ADIPOR2: variants seen among roughly 807,000 people sequenced by gnomAD.
ADIPOR2 encodes the protein adiponectin receptor 2.
A neutral mutation model predicts 40.9 loss-of-function variants in ADIPOR2; 18 were observed. The ratio of observed to expected loss-of-function variants is 0.44; its 90% CI spans 0.30 to 0.65. The LOEUF (loss-of-function observed/expected upper bound fraction) is 0.65. ADIPOR2 is among the 30% of genes least tolerant of loss of function. The pLI, the probability that ADIPOR2 is intolerant of heterozygous loss-of-function variation, is 0.09. For missense variants in ADIPOR2, 283 were observed against 479.2 expected (o/e 0.59, Z 3.82); for synonymous variants, 165 against 166.4 (o/e 0.99, Z 0.06).
chr12:1,742,549 A>G (rs746736531), intron 1 of ADIPOR2, among the ~76,000 whole-genome samples: 2 of 152,222 alleles, frequency 1.3e-5, no homozygotes, highest in Non-Finnish European at 2.9e-5. Context: ...TTTGGTATCC[A>G]TGGGGGATTG....
chr12:1,784,153 AG>A (rs1303178804), intron 7 of ADIPOR2, 80 bp downstream of exon 7: 3 of 1,401,248 alleles, frequency 2.1e-6, no homozygotes, highest in Non-Finnish European at 2.8e-6. Flanking sequence ...CAATAGAAAA[AG>A]TTTTAGACAC....
intron 1 of ADIPOR2, among the ~76,000 whole-genome samples, chr12:1,749,615 A>G (rs1047718326): frequency 2.6e-5 from 4 of 152,108 alleles, no homozygotes; most frequent in African/African-American, 7.2e-5. Context: ...TTGACTAGCT[A>G]TGTAGTTGGC....
At chr12:1,764,862 A>G (rs566918874) in intron 2 of ADIPOR2, among the ~76,000 whole-genome samples, 1 of 152,244 alleles carries the variant, frequency 6.6e-6, no homozygotes, top group Non-Finnish European at 1.5e-5. Flanking sequence ...TTTTCTGGGT[A>G]TAGCTGTAGA....
At position 1,737,681 on chromosome 12, in the gene ADIPOR2, C is replaced by T. The variant is rs186314998; in HGVS notation, c.-86-16577C>T. Among the ~76,000 whole-genome samples the T allele has an allele frequency of 2.2e-4, 33 of 152,154 alleles. No individual in the cohort carries two copies. In the East Asian group the frequency reaches 3.5e-3, roughly 16 times the overall value. On this transcript the variant is annotated intron_variant, in intron 1 of 7. Transcript: ENST00000357103. ...CACTGTGACCTCTACCTCCTGGGTTCGAGCAATTCTTGTGCCCCAGCCTCA... is the reference window on the plus strand; with the variant it reads ...CACTGTGACCTCTACCTCCTGGGTTTGAGCAATTCTTGTGCCCCAGCCTCA...
At chr12:1,765,836 A>C (rs1862365925) in intron 2 of ADIPOR2, among the ~76,000 whole-genome samples, 1 of 151,618 alleles carries the variant, frequency 6.6e-6, no homozygotes, top group African/African-American at 2.4e-5. Context: ...TTAACTGTCC[A>C]CTCCCCCATC....
At chr12:1,727,276 A>G (rs1192773221) in intron 1 of ADIPOR2, among the ~76,000 whole-genome samples, 2 of 152,184 alleles carry the variant, frequency 1.3e-5, no homozygotes, top group South Asian at 2.1e-4. Context: ...GATTGTCTGT[A>G]GAATAGACTT....
chr12:1,765,830 C>T (rs1862365663), intron 2 of ADIPOR2, among the ~76,000 whole-genome samples: 1 of 152,104 alleles, frequency 6.6e-6, no homozygotes, highest in Admixed American at 6.5e-5. Flanking sequence ...CTAAGGTTAA[C>T]TGTCCACTCC....
rs200022126 is a variant in ADIPOR2 at position 1,783,928 on chromosome 12, A to G, written c.887A>G (p.Tyr296Cys). The change falls in exon 7 of 8, where the codon TAT becomes TGT. Residue 296 changes from tyrosine to cysteine, a missense_variant. Tyr to Cys is a radical substitution (Grantham distance 194). Around this residue, in one of 3 missense-constraint regions of ADIPOR2, gnomAD observed 106 missense variants for 149.7 expected, o/e 0.71. Coordinates refer to ENST00000357103, the MANE Select transcript of ADIPOR2 (RefSeq NM_024551.3). The part of the protein sequence containing the change: ...GLSGIIPTLH[Y>C]VISEGFLKAA... ...AGTGGAATCATTCCTACCTTGCACT[A>G]TGTCATCTCGGAGGGGTTCCTTAAG... The G allele has an allele frequency of 1.3e-4, 216 of 1,613,024 alleles. 1 individual carries two copies. The highest frequency in any genetic ancestry group is 9.4e-5 in the African/African-American group (7 of 74,738).
chr12:1,725,847 T>C lies in ADIPOR2; in HGVS notation c.-86-28411T>C, dbSNP rs185545105. Among the ~76,000 whole-genome samples, 349 of 152,314 alleles carry C rather than the reference T, an allele frequency of 2.3e-3. 1 individual carries two copies. The highest frequency in any genetic ancestry group is 8.1e-3 in the African/African-American group (337 of 41,552). ...TTATGAAGATACAGTAGAAATGATT[T>C]TAATTTCTTTTTTTTCCCCTAGAGA... On this transcript the variant is annotated intron_variant, in intron 1 of 7. Transcript: ENST00000357103.
chr12:1,695,011 G>GTTTTTTTTTTTTTT (rs199627849), intron 1 of ADIPOR2, among the ~76,000 whole-genome samples: 2 of 128,314 alleles, frequency 1.6e-5, no homozygotes, highest in African/African-American at 2.7e-5. Flanking sequence ...TTGTGTTGCA[G>GTTTTTTTTTTTTTT]TTTTTTTTTT....
intron 1 of ADIPOR2, among the ~76,000 whole-genome samples, chr12:1,722,344 A>G (rs2094699566): frequency 6.6e-6 from 1 of 152,180 alleles, no homozygotes; most frequent in African/African-American, 2.4e-5. Flanking sequence ...TGGGACAATC[A>G]TGAGTTCTGT....
At chr12:1,783,376 G>C (rs1366659727) in intron 6 of ADIPOR2, among the ~76,000 whole-genome samples, 1 of 150,944 alleles carries the variant, frequency 6.6e-6, no homozygotes, top group Non-Finnish European at 1.5e-5. Context: ...ACTAAGCTAA[G>C]CCTCTCTTAG....
intron 6 of ADIPOR2, among the ~76,000 whole-genome samples, chr12:1,782,979 T>TTTTTC (rs1862752573): frequency 3.1e-5 from 1 of 32,396 alleles, no homozygotes; most frequent in African/African-American, 1.9e-4. Flanking sequence ...TTTCTTTCTT[T>TTTTTC]TTTTTTTTTT....
At chr12:1,761,310 A>G (rs1008457152) in intron 2 of ADIPOR2, among the ~76,000 whole-genome samples, 2 of 152,122 alleles carry the variant, frequency 1.3e-5, no homozygotes, top group African/African-American at 4.8e-5. Flanking sequence ...GTTGCAAATA[A>G]TGTTGCTATT....
chr12:1,766,804 G>A (rs1862389731), intron 2 of ADIPOR2, among the ~76,000 whole-genome samples: 1 of 152,166 alleles, frequency 6.6e-6, no homozygotes. Flanking sequence ...TATAAATTGG[G>A]AGATAAGGAA....
intron 1 of ADIPOR2, among the ~76,000 whole-genome samples, chr12:1,750,308 C>T (rs2094766289): frequency 6.6e-6 from 1 of 151,794 alleles, no homozygotes; most frequent in Admixed American, 6.6e-5. Flanking sequence ...CCTTTAATCC[C>T]AGCACTTTGG....
chr12:1,751,924 C>CA (rs2094770102), intron 1 of ADIPOR2, among the ~76,000 whole-genome samples: 2 of 144,112 alleles, frequency 1.4e-5, no homozygotes, highest in South Asian at 4.4e-4. Context: ...TTCTTTCTTT[C>CA]TTTTTTTTTT....
chr12:1,762,050 T>C (rs1373506208), intron 2 of ADIPOR2, among the ~76,000 whole-genome samples: 1 of 152,202 alleles, frequency 6.6e-6, no homozygotes, highest in Admixed American at 6.5e-5. Context: ...TGCAGCCGCA[T>C]TGGCCTTATT....
At chr12:1,742,689 T>C (rs1466804503) in intron 1 of ADIPOR2, among the ~76,000 whole-genome samples, 1 of 152,222 alleles carries the variant, frequency 6.6e-6, no homozygotes, top group Non-Finnish European at 1.5e-5. Flanking sequence ...TTACTTGTAG[T>C]ACCAAATACA....
Sources: allele counts gnomAD v4.1 joint callset (sites outside exome capture counted in the v4.1 genomes callset), GRCh38; gene constraint gnomAD v4.1.1; regional missense constraint gnomAD v4.1.1; transcripts MANE v1.5; gene names NCBI Gene and HGNC (gene_info 2026-07-23, HGNC 2026-07-21).